Variants in LHX4 observed in about 807,000 individuals in gnomAD.
The protein encoded by LHX4 is LIM/homeobox protein Lhx4.
Under a neutral mutation model 39.2 loss-of-function variants are expected in LHX4, and 16 were observed. The ratio of observed to expected loss-of-function variants is 0.41; its 90% CI spans 0.28 to 0.62. The LOEUF is 0.62. LHX4 is among the 20% of genes least tolerant of loss of function. The pLI, the probability that LHX4 is intolerant of heterozygous loss-of-function variation, is 0.33. For missense variants in LHX4, 439 were observed against 511.9 expected (o/e 0.86, Z 1.37); for synonymous variants, 206 against 198.1 (o/e 1.04, Z -0.33).
intron 1 of LHX4, among the ~76,000 whole-genome samples, chr1:180,238,522 T>G (rs1171691465): frequency 6.6e-6 from 1 of 152,260 alleles, no homozygotes; most frequent in Non-Finnish European, 1.5e-5. Context: ...TGCTAATTTT[T>G]AAAATTAGAA....
intron 2 of LHX4, among the ~76,000 whole-genome samples, chr1:180,249,518 C>A (rs140978280): frequency 2.0e-5 from 3 of 152,158 alleles, no homozygotes; most frequent in Non-Finnish European, 1.5e-5. Context: ...GCCCAGGGGG[C>A]GCCAGGGAGG....
chr1:180,232,920 G>A lies in LHX4; in HGVS notation c.76+2315G>A, dbSNP rs139268607. On this transcript the variant is annotated intron_variant, in intron 1 of 5. Transcript: ENST00000263726. The surrounding 1 kb of genome is among the most constrained non-coding windows in gnomAD (Gnocchi z 5.4). ...CTAGAGGAGGGGAGACAAAAGAAACGCTCTCCCACAGGGGTCCCTCCAGTC... is the reference window on the plus strand; with the variant it reads ...CTAGAGGAGGGGAGACAAAAGAAACACTCTCCCACAGGGGTCCCTCCAGTC... Among the ~76,000 whole-genome samples, 1 of 152,154 alleles carries A rather than the reference G, an allele frequency of 6.6e-6. No individual in the cohort carries two copies. Among genetic ancestry groups the A allele is most frequent in the Non-Finnish European group, 1.5e-5 (1 of 68,036 alleles).
At position 180,266,723 on chromosome 1, in the gene LHX4, C is replaced by T; in HGVS notation, c.451+129C>T. ...GAGCCCTACTCATGCACCGCCACCT[C>T]TGAGAAGCGTCCCAGATCTCCACAC... On this transcript the variant is annotated intron_variant, in intron 3 of 5. Transcript: ENST00000263726. This position sits in a 1 kb window ranked among gnomAD's most constrained non-coding sequence, Gnocchi z 5.7. The T allele has an allele frequency of 1.1e-6, 1 of 872,204 alleles. No homozygotes were observed. The highest frequency in any genetic ancestry group is 1.9e-6 in the Non-Finnish European group (1 of 539,800). 54.0% of individuals were successfully genotyped at this position (872,204 alleles called of 1,614,324 possible). A position where few individuals can be genotyped will look rare whatever the true frequency, so the allele number is the denominator to read the frequency against.
At chr1:180,248,730 G>A in intron 2 of LHX4, 1 of 497,896 alleles carries the variant, frequency 2.0e-6, no homozygotes, top group Non-Finnish European at 3.7e-6. Flanking sequence ...TCTCCAGGGT[G>A]GTTGACAAAG....
chr1:180,232,018 C>A lies in LHX4; in HGVS notation c.76+1413C>A, dbSNP rs535353604. ...AATCAGTTCCACGTCTGTGTTGAGC[C>A]TTGGGGAGTTTACCGCTAAGATGTT... On this transcript the variant is annotated intron_variant, in intron 1 of 5. Coordinates refer to ENST00000263726, the MANE Select transcript of LHX4 (RefSeq NM_033343.4). The surrounding 1 kb of genome is among the most constrained non-coding windows in gnomAD (Gnocchi z 5.4). 2.0e-5 allele frequency among the ~76,000 whole-genome samples: 3 copies of A among 152,290 alleles called. No individual in the cohort carries two copies. In the South Asian group the frequency reaches 6.2e-4, roughly 32 times the overall value.
At chr1:180,229,889 G>A (rs1185078688), upstream of LHX4, among the ~76,000 whole-genome samples, 2 of 149,400 alleles carry the variant, frequency 1.3e-5, no homozygotes, top group African/African-American at 2.5e-5. Flanking sequence ...CTGCTGCCGC[G>A]GCAGGCCATC....
In LHX4 at chr1:180,274,567, TC is replaced by T; in HGVS notation, c.1163del (p.Pro388LeufsTer51). 1 of 1,577,706 alleles carries T rather than the reference TC, an allele frequency of 6.3e-7. No homozygotes were observed. The highest frequency in any genetic ancestry group is 8.6e-7 in the Non-Finnish European group (1 of 1,162,048). ...GCTCTTGGCTCGATGAAATGGATCA[TC>T]CTCCTTTTTAAACTTCTCTCCTCCC... The part of the protein sequence containing the change: ...PGSWLDEMDH[P>X]PF On this transcript the variant is annotated frameshift_variant, in exon 6 of 6. Transcript: ENST00000263726. LOFTEE classifies it high-confidence loss of function.
In LHX4 at chr1:180,274,312, G is replaced by A. The variant is rs1281263356; in HGVS notation, c.906G>A (p.Leu302=). Residue 302 remains leucine, a synonymous_variant, in exon 6 of 6, where the codon TTG becomes TTA. Transcript: ENST00000263726. ...GGACAGGACAATCCTATCAGGACTT[G>A]AGGGATGGGAGCCCCTATGGAATCC... ...MDGTGQSYQD[L]RDGSPYGIPQ... The A allele has an allele frequency of 1.2e-6, 2 of 1,614,230 alleles. No individual in the cohort carries two copies. The highest frequency in any genetic ancestry group is 8.5e-7 in the Non-Finnish European group (1 of 1,180,048).
chr1:180,258,986 G>A (rs140598356), intron 2 of LHX4, among the ~76,000 whole-genome samples: 1 of 152,056 alleles, frequency 6.6e-6, no homozygotes, highest in Non-Finnish European at 1.5e-5. Context: ...GAGGGTGCGG[G>A]GGGTGTTGGT....
At chr1:180,263,266 G>C (rs1338941182) in intron 2 of LHX4, among the ~76,000 whole-genome samples, 3 of 152,236 alleles carry the variant, frequency 2.0e-5, no homozygotes, top group Non-Finnish European at 4.4e-5. Context: ...GCATGACCGT[G>C]TGTCTCATTA....
rs981891052 is a variant in LHX4, at chr1:180,266,766, C to G, written c.451+172C>G. 2.0e-5 allele frequency among the ~76,000 whole-genome samples: 3 copies of G among 152,222 alleles called. No individual in the cohort carries two copies. Among genetic ancestry groups the G allele is most frequent in the Non-Finnish European group, 2.9e-5 (2 of 68,038 alleles). On this transcript the variant is annotated intron_variant, in intron 3 of 5. Transcript: ENST00000263726. This position sits in a 1 kb window ranked among gnomAD's most constrained non-coding sequence, Gnocchi z 5.7. ...CTCCACACTGAGAGTAAATGCTGAA[C>G]ACCTCCCCGGCCGTTAGCACTCGCC... is the stretch of plus-strand genomic sequence containing the variant.
rs150643692 is a variant in LHX4 at position 180,259,653 on chromosome 1, G to A, written c.249-6739G>A. On this transcript the variant is annotated intron_variant, in intron 2 of 5. Transcript: ENST00000263726. ...AGGCACCATCAGTCCGGTGGGCAGGGGCTGCTTTCCTGGCTCTGTGGATGC... is the reference window on the plus strand; with the variant it reads ...AGGCACCATCAGTCCGGTGGGCAGGAGCTGCTTTCCTGGCTCTGTGGATGC... Among the ~76,000 whole-genome samples the A allele has an allele frequency of 9.7e-3, 1,475 of 151,816 alleles. 18 individuals carry two copies. Among genetic ancestry groups the A allele is most frequent in the Non-Finnish European group, 0.015 (989 of 68,002 alleles).
chr1:180,256,595 C>T (rs541452646), intron 2 of LHX4, among the ~76,000 whole-genome samples: 1 of 152,264 alleles, frequency 6.6e-6, no homozygotes, highest in Non-Finnish European at 1.5e-5. Context: ...TGATGAGTGA[C>T]CTGCAGATGC....
At chr1:180,244,453 C>T (rs1176450306) in intron 1 of LHX4, among the ~76,000 whole-genome samples, 1 of 152,090 alleles carries the variant, frequency 6.6e-6, no homozygotes, top group South Asian at 2.1e-4. Flanking sequence ...AGTGTTGTTC[C>T]TCAATGTGAT....
chr1:180,253,903 T>TG (rs1255726452), intron 2 of LHX4, among the ~76,000 whole-genome samples: 1 of 151,898 alleles, frequency 6.6e-6, no homozygotes, highest in Admixed American at 6.5e-5. Flanking sequence ...CCTCAGTTAG[T>TG]GGGGGGTTAG....
upstream of LHX4, among the ~76,000 whole-genome samples, chr1:180,229,709 GAC>G (rs1664117436): frequency 6.6e-6 from 1 of 151,912 alleles, no homozygotes; most frequent in South Asian, 2.1e-4. Context: ...GCAAGGCGAA[GAC>G]ACAGCGACGC....
At position 180,248,818 on chromosome 1, in the gene LHX4, G is replaced by A. The variant is rs73042444; in HGVS notation, c.248+362G>A. ...CTGTCCTGATATATTGGTGCTTCAG[G>A]GCATGTGGTTGTAACATTCCCACAA... On this transcript the variant is annotated intron_variant, in intron 2 of 5. Transcript: ENST00000263726. 4.1e-3 allele frequency: 1,402 copies of A among 339,934 alleles called. 25 individuals carry two copies. The highest frequency in any genetic ancestry group is 0.027 in the African/African-American group (1,292 of 47,076). The allele number at this position is 339,934 out of a possible 1,614,324, so 21.1% of individuals were successfully genotyped here.
At position 180,273,965 on chromosome 1, in the gene LHX4, G is replaced by A. The variant is rs140716483; in HGVS notation, c.779-220G>A. 478 of 587,598 alleles carry A rather than the reference G, an allele frequency of 8.1e-4. 9 individuals are homozygous for A. In the East Asian group the frequency reaches 0.014, roughly 17 times the overall value. The allele number at this position is 587,598 out of a possible 1,614,324, so 36.4% of individuals were successfully genotyped here. ...ACATTTGTCCATCCTTCTGGGACCT[G>A]GGAATTTAGTCTTTGCAGGTGTTTC... On this transcript the variant is annotated intron_variant, in intron 5 of 5. Transcript: ENST00000263726.
In LHX4 at chr1:180,276,986, G is replaced by A. The variant is rs1450108646; in HGVS notation, c.*2407G>A. 1 of 152,164 alleles carries A rather than the reference G, an allele frequency of 6.6e-6. No homozygotes were observed. Among genetic ancestry groups the A allele is most frequent in the African/African-American group, 2.4e-5 (1 of 41,410 alleles). 9.4% of individuals were successfully genotyped at this position (152,164 alleles called of 1,614,324 possible). A position where few individuals can be genotyped will look rare whatever the true frequency, so the allele number is the denominator to read the frequency against. On this transcript the variant is annotated 3_prime_UTR_variant, in exon 6 of 6. Coordinates refer to ENST00000263726, the MANE Select transcript of LHX4 (RefSeq NM_033343.4). Reference sequence around the variant, plus strand: ...CTAATAATATAATAAATCTCTTGAGGAACTCAGTGAGCAGTTGACGAGGTC... The same window carrying A: ...CTAATAATATAATAAATCTCTTGAGAAACTCAGTGAGCAGTTGACGAGGTC...
Sources: gnomAD v4.1 joint callset for allele counts (sites outside exome capture counted in the v4.1 genomes callset) on GRCh38, gnomAD v4.1.1 for gene constraint, Gnocchi (gnomAD v3.1) non-coding constraint, MANE v1.5 for transcripts, NCBI Gene and HGNC (gene_info 2026-07-23, HGNC 2026-07-21) for gene names.